The following MLLT3 variants were observed in gnomAD, a reference collection of about 807,000 sequenced individuals.
The protein encoded by MLLT3 is protein AF-9.
MLLT3 carries 4 observed loss-of-function variants against 53.2 expected under a neutral mutation model. The ratio of observed to expected loss-of-function variants is 0.08; its 90% CI spans 0.04 to 0.17. The LOEUF (loss-of-function observed/expected upper bound fraction) is 0.17. Among genes scored for constraint, MLLT3 ranks in the 10% least tolerant of loss-of-function variants. The pLI, the probability that MLLT3 is intolerant of heterozygous loss-of-function variation, is 1.00. For synonymous variants in MLLT3, 283 were observed against 230.6 expected, an observed-to-expected ratio of 1.23 and a Z score of -2.06; for missense variants, 569 against 684.0, an observed-to-expected ratio of 0.83 and a Z score of 1.87.
chr9:20,475,858 A>G (rs1324386724), intron 2 of MLLT3, among the ~76,000 whole-genome samples: 2 of 152,252 alleles, frequency 1.3e-5, no homozygotes, highest in East Asian at 3.9e-4. Context: ...TGAAGGGAGA[A>G]TATCAGTAAA....
chr9:20,574,326 T>A lies in MLLT3; in HGVS notation c.193+46328A>T, dbSNP rs187805168. ...TCCACTGTCTGAATTTTCCAGTTATTTGATTTATACCACACATTTTAAAGA... is the reference window on the plus strand; with the variant it reads ...TCCACTGTCTGAATTTTCCAGTTATATGATTTATACCACACATTTTAAAGA... On this transcript the variant is annotated intron_variant, in intron 2 of 10. Coordinates refer to ENST00000380338, the MANE Select transcript of MLLT3 (RefSeq NM_004529.4). 6.6e-4 allele frequency among the ~76,000 whole-genome samples: 101 copies of A among 152,320 alleles called. 2 individuals are homozygous for A. In the East Asian group the frequency reaches 9.1e-3, roughly 14 times the overall value.
At chr9:20,455,711 A>G (rs932406016) in intron 3 of MLLT3, among the ~76,000 whole-genome samples, 3 of 152,220 alleles carry the variant, frequency 2.0e-5, no homozygotes, top group Non-Finnish European at 2.9e-5. Flanking sequence ...AATAAGGAAT[A>G]TGATATAATA....
At chr9:20,413,102 G>A (rs1417032434) in intron 5 of MLLT3, among the ~76,000 whole-genome samples, 1 of 152,096 alleles carries the variant, frequency 6.6e-6, no homozygotes, top group African/African-American at 2.4e-5. Context: ...GCTAAACAAT[G>A]AAGAAAAATA....
rs970798106 is a variant in MLLT3 at position 20,607,855 on chromosome 9, G to A, written c.193+12799C>T. The stretch of plus-strand genomic sequence containing the variant: ...ACTAAAATTAACCTCCTCATTTTGC[G>A]GAAATCATTTTTAGTTATGCTTAAG... On this transcript the variant is annotated intron_variant, in intron 2 of 10. Transcript: ENST00000380338. Among the ~76,000 whole-genome samples, 13 of 151,846 alleles carry A rather than the reference G, an allele frequency of 8.6e-5. No homozygotes were observed. In the East Asian group the frequency reaches 9.7e-4, roughly 11 times the overall value.
intron 2 of MLLT3, among the ~76,000 whole-genome samples, chr9:20,473,950 G>T (rs1039581764): frequency 6.6e-6 from 1 of 152,050 alleles, no homozygotes; most frequent in Non-Finnish European, 1.5e-5. Flanking sequence ...GTTCCTAGAA[G>T]GCCAGAGTTG....
intron 4 of MLLT3, among the ~76,000 whole-genome samples, chr9:20,429,349 C>A (rs1245087951): frequency 6.6e-6 from 1 of 152,138 alleles, no homozygotes; most frequent in Non-Finnish European, 1.5e-5. Flanking sequence ...GCCTGGGCAA[C>A]AGGGTGACAC....
At chr9:20,501,787 C>A (rs1373533284) in intron 2 of MLLT3, among the ~76,000 whole-genome samples, 11 of 126,902 alleles carry the variant, frequency 8.7e-5, no homozygotes, top group Non-Finnish European at 9.9e-5. Context: ...AAAAAAAAAA[C>A]CGCACCCAAG....
At chr9:20,523,211 C>T (rs1460860782) in intron 2 of MLLT3, among the ~76,000 whole-genome samples, 1 of 152,088 alleles carries the variant, frequency 6.6e-6, no homozygotes, top group Non-Finnish European at 1.5e-5. Flanking sequence ...TCCAGAATGC[C>T]GATAACACTT....
intron 2 of MLLT3, among the ~76,000 whole-genome samples, chr9:20,553,615 T>C (rs931420575): frequency 3.3e-5 from 5 of 152,112 alleles, no homozygotes; most frequent in Admixed American, 3.3e-4. Flanking sequence ...TGAAATAGAG[T>C]TTATCCCATG....
chr9:20,573,173 GTTTT>G (rs1376035174), intron 2 of MLLT3, among the ~76,000 whole-genome samples: 1 of 101,002 alleles, frequency 9.9e-6, no homozygotes, highest in Admixed American at 1.1e-4. Context: ...GTTTTTGTTT[GTTTT>G]TTTTTGTTTT....
chr9:20,489,524 G>T (rs1325339716), intron 2 of MLLT3, among the ~76,000 whole-genome samples: 3 of 152,150 alleles, frequency 2.0e-5, no homozygotes, highest in Non-Finnish European at 2.9e-5. Flanking sequence ...TGGCCAGTAG[G>T]TTCAATATTT....
At chr9:20,385,629 C>T (rs1238871275) in intron 5 of MLLT3, among the ~76,000 whole-genome samples, 1 of 152,054 alleles carries the variant, frequency 6.6e-6, no homozygotes, top group Admixed American at 6.6e-5. Context: ...ATAATTTGTC[C>T]TAAAATGTTA....
chr9:20,346,412 A>AAAAAT lies in MLLT3; in HGVS notation c.*30_*31insATTTT. 1 of 1,508,910 alleles carries AAAAAT rather than the reference A, an allele frequency of 6.6e-7. No individual in the cohort carries two copies. Among genetic ancestry groups the AAAAAT allele is most frequent in the African/African-American group, 1.4e-5 (1 of 70,716 alleles). 93.5% of individuals were successfully genotyped at this position (1,508,910 alleles called of 1,614,324 possible). A position where few individuals can be genotyped will look rare whatever the true frequency, so the allele number is the denominator to read the frequency against. On this transcript the variant is annotated 3_prime_UTR_variant, in exon 11 of 11. Coordinates refer to ENST00000380338, the MANE Select transcript of MLLT3 (RefSeq NM_004529.4). ...AAAAAAACCAAAAAAAAAAAACACA[A>AAAAAT]TAGTTCTTGATGCATCCAGTTGTTA...
chr9:20,436,954 C>G lies in MLLT3; in HGVS notation c.420+11169G>C, dbSNP rs1200030869. 3.3e-5 allele frequency among the ~76,000 whole-genome samples: 5 copies of G among 152,182 alleles called. No individual in the cohort carries two copies. In the East Asian group the frequency reaches 9.7e-4, roughly 29 times the overall value. On this transcript the variant is annotated intron_variant, in intron 4 of 10. Coordinates refer to ENST00000380338, the MANE Select transcript of MLLT3 (RefSeq NM_004529.4). Reference sequence around the variant, plus strand: ...AAGTCATCCTCACAACTACTATATCCTGGTAGATGGTACCAACACCTCATT... The same window carrying G: ...AAGTCATCCTCACAACTACTATATCGTGGTAGATGGTACCAACACCTCATT...
rs768550718 is a variant in MLLT3, at chr9:20,341,828, A to C, written c.*4615T>G. ...ACATTGTTTCTGAACAAAACCCTCCAAAGAAATAGGGGGGAAAGAAAAAAT... is the reference window on the plus strand; with the variant it reads ...ACATTGTTTCTGAACAAAACCCTCCCAAGAAATAGGGGGGAAAGAAAAAAT... On this transcript the variant is annotated 3_prime_UTR_variant, in exon 11 of 11. Transcript: ENST00000380338. 16 of 204,620 alleles carry C rather than the reference A, an allele frequency of 7.8e-5. No homozygotes were observed. Among genetic ancestry groups the C allele is most frequent in the Non-Finnish European group, 1.2e-4 (12 of 100,088 alleles). 12.7% of individuals were successfully genotyped at this position (204,620 alleles called of 1,614,324 possible).
intron 4 of MLLT3, among the ~76,000 whole-genome samples, chr9:20,437,626 G>C (rs1823438695): frequency 6.6e-6 from 1 of 152,106 alleles, no homozygotes; most frequent in South Asian, 2.1e-4. Context: ...GACTCAACTA[G>C]AAGTAGTTCT....
chr9:20,436,810 C>A (rs974958049), intron 4 of MLLT3, among the ~76,000 whole-genome samples: 1 of 152,040 alleles, frequency 6.6e-6, no homozygotes, highest in Admixed American at 6.6e-5. Context: ...ATTTTATAGC[C>A]ATAAAAATAC....
intron 2 of MLLT3, among the ~76,000 whole-genome samples, chr9:20,517,693 G>A (rs1234433517): frequency 2.0e-5 from 3 of 151,946 alleles, no homozygotes; most frequent in African/African-American, 4.8e-5. Context: ...AAAATAAGCC[G>A]GGTGTGCTGG....
chr9:20,350,847 A>C (rs1025750468), intron 10 of MLLT3, among the ~76,000 whole-genome samples: 5 of 152,130 alleles, frequency 3.3e-5, no homozygotes, highest in African/African-American at 1.2e-4. Context: ...TAAAAAGGTA[A>C]ATGCATTGAT....
Sources: gnomAD v4.1 joint callset for allele counts (sites outside exome capture counted in the v4.1 genomes callset) on GRCh38, gnomAD v4.1.1 for gene constraint, MANE v1.5 for transcripts, NCBI Gene and HGNC (gene_info 2026-07-23, HGNC 2026-07-21) for gene names.